SACS: variants seen among roughly 807,000 people sequenced by gnomAD.
The protein encoded by SACS is sacsin molecular chaperone, also known as sacsin.
A neutral mutation model predicts 348.0 loss-of-function variants in SACS; 197 were observed. The observed-to-expected ratio is 0.57, with a 90% confidence interval of 0.50 to 0.64. SACS has a LOEUF of 0.64. Among genes scored for constraint, SACS ranks in the 30% least tolerant of loss-of-function variants. The pLI, the probability that SACS is intolerant of heterozygous loss-of-function variation, is 0.00. For missense variants in SACS, 4,999 were observed against 5,360.8 expected (o/e 0.93, Z 2.11); for synonymous variants, 1,985 against 1,910.6 (o/e 1.04, Z -1.02).
rs753686569 is a variant in SACS at position 23,341,115 on chromosome 13, T to A, written c.2761A>T (p.Ile921Phe). ...CGCTTGAATATTGCCAATTCTTGAA[T>A]AATTCTTTTCTCTTTCTCACTGCTA... Reference protein sequence around the residue: ...TDSSEKEKRIIQELAIFKRIN... With the variant: ...TDSSEKEKRIFQELAIFKRIN... Residue 921 changes from isoleucine to phenylalanine, a missense_variant, in exon 10 of 10, where the codon ATT becomes TTT. Around this residue, in one of 6 missense-constraint regions of SACS, gnomAD observed 3,156 missense variants for 3,380.1 expected, o/e 0.93. Transcript: ENST00000382292. The A allele has an allele frequency of 6.2e-7, 1 of 1,613,656 alleles. No homozygotes were observed. Among genetic ancestry groups the A allele is most frequent in the South Asian group, 1.1e-5 (1 of 91,068 alleles).
Position 23,334,989 on chromosome 13 carries a change from A to C in SACS, c.8887T>G (p.Phe2963Val). 1 of 1,613,890 alleles carries C rather than the reference A, an allele frequency of 6.2e-7. No homozygotes were observed. ...KDTLKKFLSF[F>V]PVNRLDLQPD... The stretch of plus-strand genomic sequence containing the variant: ...TGTAGATCAAGACGGTTAACTGGGA[A>C]AAACGATAAAAACTTCTTTAAAGTG... The change falls in exon 10 of 10, where the codon TTC becomes GTC. Residue 2963 changes from phenylalanine to valine, a missense_variant. By Grantham distance (50) the Phe-to-Val change is conservative (BLOSUM62 -1). Coordinates refer to ENST00000382292, the MANE Select transcript of SACS (RefSeq NM_014363.6).
At chr13:23,362,655 G>A (rs1301946661) in intron 6 of SACS, among the ~76,000 whole-genome samples, 1 of 143,518 alleles carries the variant, frequency 7.0e-6, no homozygotes, top group Non-Finnish European at 1.5e-5. Context: ...GCAAGATCTC[G>A]GCTCACTGCA....
intron 7 of SACS, among the ~76,000 whole-genome samples, chr13:23,357,320 AAT>A (rs1165445102): frequency 1.3e-5 from 2 of 152,242 alleles, no homozygotes; most frequent in African/African-American, 4.8e-5. Flanking sequence ...ATTCATAGAT[AAT>A]AGTCATATTT....
chr13:23,388,333 C>CA (rs370915261), intron 2 of SACS, among the ~76,000 whole-genome samples: 20,077 of 71,052 alleles, frequency 0.28, 1,995 homozygotes, highest in South Asian at 0.39. Context: ...GACTTTGTCT[C>CA]AAAAAAAAAA....
chr13:23,358,544 A>G, intron 6 of SACS, 63 bp from the exon 7 acceptor site: 1 of 1,554,900 alleles, frequency 6.4e-7, no homozygotes, highest in Non-Finnish European at 8.8e-7. Context: ...GTTCTATCTC[A>G]AGAGATCCTC....
At chr13:23,428,011 C>T (rs1268408836) in intron 1 of SACS, 1 of 152,188 alleles carries the variant, frequency 6.6e-6, no homozygotes, top group Non-Finnish European at 1.5e-5. Flanking sequence ...GTTTTCAGTG[C>T]TGCCGTGTTC....
Position 23,377,843 on chromosome 13 carries a change from A to G in SACS, c.21-2574T>C, listed in dbSNP as rs1871877048. The stretch of plus-strand genomic sequence containing the variant: ...ACCCAGCACAGGGCTCCTGGATTCC[A>G]GCTCCAACATCCCTGCCTGGCACAG... On this transcript the variant is annotated intron_variant, in intron 2 of 9. Transcript: ENST00000382292. 2.0e-5 allele frequency among the ~76,000 whole-genome samples: 3 copies of G among 152,170 alleles called. No individual in the cohort carries two copies. The South Asian group carries it at 6.2e-4, about 32-fold the overall frequency.
In SACS at chr13:23,334,180, T is replaced by C. The variant is rs1301795803; in HGVS notation, c.9696A>G (p.Thr3232=). The change falls in exon 10 of 10, where the codon ACA becomes ACG. Residue 3232 remains threonine (T), a synonymous_variant. Coordinates refer to ENST00000382292, the MANE Select transcript of SACS (RefSeq NM_014363.6). ...LPREYKTKSC[T]KWKDNFASES... is the part of the protein sequence containing the mutation. ...CACTTGCAAAATTGTCTTTCCACTTTGTGCAACTTTTGGTCTTATATTCTC... is the reference window on the plus strand; with the variant it reads ...CACTTGCAAAATTGTCTTTCCACTTCGTGCAACTTTTGGTCTTATATTCTC... 1 of 1,613,916 alleles carries C rather than the reference T, an allele frequency of 6.2e-7. No individual in the cohort carries two copies. Among genetic ancestry groups the C allele is most frequent in the South Asian group, 1.1e-5 (1 of 91,074 alleles).
chr13:23,333,916 A>T lies in SACS; in HGVS notation c.9960T>A (p.Val3320=). ...AGCCAGCTTTCATTAGAGCATGAAA[A>T]ACTTTATCACTCTGGGCATTTGGAA... ...AVFPNAQSDK[V]FHALMKAGCI... is the part of the protein sequence containing the mutation. Residue 3320 remains valine (V), a synonymous_variant, in exon 10 of 10, where the codon GTT becomes GTA. Transcript: ENST00000382292. 1.9e-6 allele frequency: 3 copies of T among 1,613,832 alleles called. No individual in the cohort carries two copies. The highest frequency in any genetic ancestry group is 2.5e-6 in the Non-Finnish European group (3 of 1,179,846).
At position 23,329,470 on chromosome 13, in the gene SACS, C is replaced by G; in HGVS notation, c.*666G>C. The G allele has an allele frequency of 1.3e-6, 1 of 767,948 alleles. No individual in the cohort carries two copies. The highest frequency in any genetic ancestry group is 2.4e-6 in the Non-Finnish European group (1 of 414,128). The allele number at this position is 767,948 out of a possible 1,614,324, so 47.6% of individuals were successfully genotyped here. On this transcript the variant is annotated 3_prime_UTR_variant, in exon 10 of 10. Transcript: ENST00000382292. ...ATTTTGAGTTTTCCGTTGCTATCTTCATCAAACAGGAAGCCTGTAAACATA... is the reference window on the plus strand; with the variant it reads ...ATTTTGAGTTTTCCGTTGCTATCTTGATCAAACAGGAAGCCTGTAAACATA...
intron 2 of SACS, among the ~76,000 whole-genome samples, chr13:23,387,929 T>C (rs940955857): frequency 6.6e-5 from 10 of 152,092 alleles, no homozygotes; most frequent in Non-Finnish European, 8.8e-5. Context: ...AAGGCCATTA[T>C]TAAAATGTCA....
At chr13:23,414,333 C>A (rs1381562901) in intron 1 of SACS, among the ~76,000 whole-genome samples, 1 of 152,036 alleles carries the variant, frequency 6.6e-6, no homozygotes, top group African/African-American at 2.4e-5. Flanking sequence ...AATATAAACA[C>A]GTTTATATGA....
rs1195719474 is a variant in SACS at position 23,338,536 on chromosome 13, T to A, written c.5340A>T (p.Pro1780=). The A allele has an allele frequency of 3.7e-6, 6 of 1,614,190 alleles. No homozygotes were observed. Among genetic ancestry groups the A allele is most frequent in the Non-Finnish European group, 3.4e-6 (4 of 1,180,006 alleles). Residue 1780 remains proline (P), a synonymous_variant, in exon 10 of 10, where the codon CCA becomes CCT. Coordinates refer to ENST00000382292, the MANE Select transcript of SACS (RefSeq NM_014363.6). ...VFRRIADLQS[P]LFRGPDDDPA... The stretch of plus-strand genomic sequence containing the variant: ...GGTCATCATCTGGACCTCTAAAAAG[T>A]GGCGACTGTAAATCAGCAATCCTTC...
In SACS at chr13:23,368,594, G is replaced by A; in HGVS notation, c.260-107C>T. The A allele has an allele frequency of 6.3e-6, 5 of 787,710 alleles. No homozygotes were observed. The South Asian group carries it at 7.4e-5, about 12-fold the overall frequency. 48.8% of individuals were successfully genotyped at this position (787,710 alleles called of 1,614,324 possible). On this transcript the variant is annotated intron_variant, in intron 4 of 9. Transcript: ENST00000382292. ...TCATATAACTATACAAGTTATGGTTGCATATATCTCACTGCAGCACCCTGG... is the reference window on the plus strand; with the variant it reads ...TCATATAACTATACAAGTTATGGTTACATATATCTCACTGCAGCACCCTGG...
At chr13:23,426,021 A>T (rs530555407) in intron 1 of SACS, among the ~76,000 whole-genome samples, 1 of 152,180 alleles carries the variant, frequency 6.6e-6, no homozygotes, top group African/African-American at 2.4e-5. Context: ...CAGCCTAGTG[A>T]TTTGGTAGGG....
Position 23,339,404 on chromosome 13 carries a change from G to T in SACS, c.4472C>A (p.Thr1491Lys). ...CATATCAATCAAGAAACTGCATTCTGTTGCATTTGCATCATCAGCGTTTTG... is the reference window on the plus strand; with the variant it reads ...CATATCAATCAAGAAACTGCATTCTTTTGCATTTGCATCATCAGCGTTTTG... Reference protein sequence around the residue: ...LLQNADDANATECSFLIDMRR... With the variant: ...LLQNADDANAKECSFLIDMRR... Residue 1491 changes from threonine to lysine, a missense_variant, in exon 10 of 10, where the codon ACA becomes AAA. By Grantham distance (78) the Thr-to-Lys change is moderately conservative. Coordinates refer to ENST00000382292, the MANE Select transcript of SACS (RefSeq NM_014363.6). 1 of 1,611,598 alleles carries T rather than the reference G, an allele frequency of 6.2e-7. No individual in the cohort carries two copies. The highest frequency in any genetic ancestry group is 1.1e-5 in the South Asian group (1 of 90,348).
Position 23,334,187 on chromosome 13 carries a change from C to A in SACS, c.9689G>T (p.Ser3230Ile). Residue 3230 changes from serine (S) to isoleucine (I), a missense_variant, in exon 10 of 10, where the codon AGT becomes ATT. This residue lies in a region of SACS where 734 missense variants were observed against 694.0 expected (regional missense o/e 1.06). Transcript: ENST00000382292. ...AAAATTGTCTTTCCACTTTGTGCAACTTTTGGTCTTATATTCTCGAGGCAA... is the reference window on the plus strand; with the variant it reads ...AAAATTGTCTTTCCACTTTGTGCAAATTTTGGTCTTATATTCTCGAGGCAA... ...SVLPREYKTK[S>I]CTKWKDNFAS... The A allele has an allele frequency of 1.2e-6, 2 of 1,613,830 alleles. No individual in the cohort carries two copies. Among genetic ancestry groups the A allele is most frequent in the Non-Finnish European group, 1.7e-6 (2 of 1,179,816 alleles).
intron 9 of SACS, among the ~76,000 whole-genome samples, chr13:23,348,254 C>T (rs994139598): frequency 6.6e-6 from 1 of 152,196 alleles, no homozygotes; most frequent in Non-Finnish European, 1.5e-5. Flanking sequence ...TTTCTTTGAG[C>T]TTCAATGTCT....
Position 23,339,759 on chromosome 13 carries a change from C to G in SACS, c.4117G>C (p.Ala1373Pro), listed in dbSNP as rs61326562. The G allele has an allele frequency of 1.2e-3, 1,867 of 1,614,030 alleles. 19 individuals are homozygous for G. In the African/African-American group the frequency reaches 0.022, roughly 19 times the overall value. Residue 1373 changes from alanine to proline, a missense_variant, in exon 10 of 10, where the codon GCA becomes CCA. By Grantham distance (27) the Ala-to-Pro change is conservative. Around this residue, in one of 6 missense-constraint regions of SACS, gnomAD observed 3,156 missense variants for 3,380.1 expected, o/e 0.93. Transcript: ENST00000382292. ...IRWLYSNQIP[A>P]SPNTPVPIHH... Reference sequence around the variant, plus strand: ...ATAGGAACTGGTGTGTTGGGGCTTGCTGGAATCTGATTGCTATACAGCCAT... The same window carrying G: ...ATAGGAACTGGTGTGTTGGGGCTTGGTGGAATCTGATTGCTATACAGCCAT...
Sources: gnomAD v4.1 joint callset for allele counts (sites outside exome capture counted in the v4.1 genomes callset) on GRCh38, gnomAD v4.1.1 for gene constraint, gnomAD v4.1.1 regional missense constraint, MANE v1.5 for transcripts, NCBI Gene and HGNC (gene_info 2026-07-23, HGNC 2026-07-21) for gene names.